BNC2: variants seen among roughly 807,000 people sequenced by gnomAD.
The protein encoded by BNC2 is zinc finger protein basonuclin-2.
In BNC2, 20 loss-of-function variants were observed where a neutral mutation model predicts 76.3. That is an observed-to-expected ratio of 0.26 (90% CI 0.18 to 0.38). BNC2 has a LOEUF of 0.38. BNC2 is among the 10% of genes least tolerant of loss of function. The pLI, the probability that BNC2 is intolerant of heterozygous loss-of-function variation, is 1.00. For synonymous variants in BNC2, 582 were observed against 514.8 expected, an observed-to-expected ratio of 1.13 and a Z score of -1.77; for missense variants, 1,382 against 1,399.8, an observed-to-expected ratio of 0.99 and a Z score of 0.20.
At chr9:16,788,195 C>T (rs1261223795) in intron 1 of BNC2, among the ~76,000 whole-genome samples, 1 of 152,168 alleles carries the variant, frequency 6.6e-6, no homozygotes, top group Non-Finnish European at 1.5e-5. Context: ...GATATTTTTA[C>T]GTTACCAGTG....
At chr9:16,623,816 G>A (rs1820924700) in intron 3 of BNC2, among the ~76,000 whole-genome samples, 1 of 152,158 alleles carries the variant, frequency 6.6e-6, no homozygotes, top group Non-Finnish European at 1.5e-5. Context: ...AGCAGGAAAG[G>A]TAAAAAGGAT....
At chr9:16,457,453 G>A (rs1410421648) in intron 5 of BNC2, among the ~76,000 whole-genome samples, 1 of 152,108 alleles carries the variant, frequency 6.6e-6, no homozygotes, top group Non-Finnish European at 1.5e-5. Flanking sequence ...ATCAGCACAG[G>A]GCAACATGCA....
intron 5 of BNC2, among the ~76,000 whole-genome samples, chr9:16,453,676 G>A (rs1225483245): frequency 1.3e-5 from 2 of 152,130 alleles, no homozygotes; most frequent in Non-Finnish European, 2.9e-5. Context: ...GCCGGGCCCA[G>A]TGTCTCATGC....
At chr9:16,511,420 CTTTTTTTTT>C (rs758039548) in intron 5 of BNC2, among the ~76,000 whole-genome samples, 10 of 69,498 alleles carry the variant, frequency 1.4e-4, no homozygotes, top group African/African-American at 4.2e-4. Flanking sequence ...AATAAATTTA[CTTTTTTTTT>C]TTTTTTTTTT....
At chr9:16,752,722 A>T (rs181998804) in intron 1 of BNC2, among the ~76,000 whole-genome samples, 1 of 152,220 alleles carries the variant, frequency 6.6e-6, no homozygotes, top group Non-Finnish European at 1.5e-5. Context: ...AAATCGCAAC[A>T]ATCTTTTTTA....
chr9:16,703,398 C>T (rs1031032160), intron 3 of BNC2, among the ~76,000 whole-genome samples: 4 of 151,832 alleles, frequency 2.6e-5, no homozygotes, highest in Non-Finnish European at 5.9e-5. Context: ...TTAAAATGTA[C>T]AACTAAAAAA....
intron 3 of BNC2, among the ~76,000 whole-genome samples, chr9:16,585,078 C>A (rs887193337): frequency 4.6e-5 from 7 of 151,998 alleles, no homozygotes; most frequent in African/African-American, 1.7e-4. Flanking sequence ...ATATTTAAAT[C>A]ATTAATTTGA....
rs188437798 is a variant in BNC2, at chr9:16,610,522, A to C, written c.331-27437T>G. On this transcript the variant is annotated intron_variant, in intron 3 of 6. Transcript: ENST00000380672. ...CAGGGTTATAAGGGTCTATGAATTGAAACAGAGATAGGTAGTCTCTGATCA... is the reference window on the plus strand; with the variant it reads ...CAGGGTTATAAGGGTCTATGAATTGCAACAGAGATAGGTAGTCTCTGATCA... Among the ~76,000 whole-genome samples the C allele has an allele frequency of 3.3e-4, 50 of 152,314 alleles. No individual in the cohort carries two copies. The East Asian group carries it at 7.9e-3, about 24-fold the overall frequency.
intron 5 of BNC2, among the ~76,000 whole-genome samples, chr9:16,442,539 T>A (rs761175687): frequency 1.3e-5 from 2 of 152,204 alleles, no homozygotes; most frequent in African/African-American, 4.8e-5. Flanking sequence ...ATAAGGTTGA[T>A]TGGTTTCCCT....
intron 5 of BNC2, among the ~76,000 whole-genome samples, chr9:16,481,261 G>A (rs1367786074): frequency 2.0e-5 from 3 of 152,088 alleles, no homozygotes; most frequent in Non-Finnish European, 4.4e-5. Context: ...GCAGGATGTG[G>A]GTGGGGCCAC....
At chr9:16,678,715 G>A (rs558003232) in intron 3 of BNC2, among the ~76,000 whole-genome samples, 2 of 142,186 alleles carry the variant, frequency 1.4e-5, no homozygotes, top group Non-Finnish European at 3.0e-5. Flanking sequence ...AGCTTCACTT[G>A]TGTGTAAAGG....
chr9:16,489,894 C>T lies in BNC2; in HGVS notation c.670-52370G>A, dbSNP rs10962448. Among the ~76,000 whole-genome samples the T allele has an allele frequency of 0.018, 2,722 of 152,260 alleles. 214 individuals carry two copies. The East Asian group carries it at 0.26, about 15-fold the overall frequency. On this transcript the variant is annotated intron_variant, in intron 5 of 6. Coordinates refer to ENST00000380672, the MANE Select transcript of BNC2 (RefSeq NM_017637.6). ...CTACCGGCAGTAGAACAAGAGCCCT[C>T]GTGTATCTGCCACTGATTAGTTACA...
intron 5 of BNC2, among the ~76,000 whole-genome samples, chr9:16,530,192 C>A (rs1817934357): frequency 6.6e-6 from 1 of 151,830 alleles, no homozygotes; most frequent in East Asian, 1.9e-4. Context: ...AAAAGCCTTT[C>A]TAAGGTTGAC....
intron 1 of BNC2, among the ~76,000 whole-genome samples, chr9:16,771,032 G>T (rs1383049665): frequency 6.6e-6 from 1 of 152,118 alleles, no homozygotes; most frequent in Non-Finnish European, 1.5e-5. Context: ...AGCTGAGCAT[G>T]GTGCCGCATG....
At chr9:16,683,994 T>A (rs1050094417) in intron 3 of BNC2, among the ~76,000 whole-genome samples, 1 of 152,190 alleles carries the variant, frequency 6.6e-6, no homozygotes, top group African/African-American at 2.4e-5. Context: ...AACCCCACAA[T>A]CTGGTTCATC....
intron 5 of BNC2, among the ~76,000 whole-genome samples, chr9:16,451,086 C>T (rs186339684): frequency 2.0e-5 from 3 of 152,214 alleles, no homozygotes; most frequent in Admixed American, 2.0e-4. Flanking sequence ...GGCTGGATTT[C>T]GTTGCCTTTT....
In BNC2 at chr9:16,415,144, G is replaced by A. The variant is rs879916604; in HGVS notation, c.*3845C>T. ...TTTAAAAGGCATCAGGCTGAACAGGGCAGCTGGACTAAGATCTGGAATGAG... is the reference window on the plus strand; with the variant it reads ...TTTAAAAGGCATCAGGCTGAACAGGACAGCTGGACTAAGATCTGGAATGAG... On this transcript the variant is annotated 3_prime_UTR_variant, in exon 7 of 7. Transcript: ENST00000380672. The A allele has an allele frequency of 3.9e-5, 6 of 152,178 alleles. No individual in the cohort carries two copies. The highest frequency in any genetic ancestry group is 7.2e-5 in the African/African-American group (3 of 41,436). The allele number at this position is 152,178 out of a possible 1,614,324, so 9.4% of individuals were successfully genotyped here.
chr9:16,410,077 C>T lies in BNC2; in HGVS notation c.*8912G>A, dbSNP rs2118875983. On this transcript the variant is annotated 3_prime_UTR_variant, in exon 7 of 7. Transcript: ENST00000380672. ...AATAATTTTGTTACTGGAGACACAC[C>T]AATGGGTCTGGAGTAAGAAAGGTGT... 6.6e-6 allele frequency: 1 copy of T among 152,258 alleles called. No homozygotes were observed. The highest frequency in any genetic ancestry group is 2.1e-4 in the South Asian group (1 of 4,814). The allele number at this position is 152,258 out of a possible 1,614,324, so 9.4% of individuals were successfully genotyped here. A position where few individuals can be genotyped will look rare whatever the true frequency, so the allele number is the denominator to read the frequency against.
intron 5 of BNC2, among the ~76,000 whole-genome samples, chr9:16,474,821 T>C (rs1428597458): frequency 6.6e-6 from 1 of 152,020 alleles, no homozygotes; most frequent in African/African-American, 2.4e-5. Context: ...CCATAGTAAT[T>C]CTAATCTCCC....
Sources: gnomAD v4.1 joint callset for allele counts (sites outside exome capture counted in the v4.1 genomes callset) on GRCh38, gnomAD v4.1.1 for gene constraint, MANE v1.5 for transcripts, NCBI Gene and HGNC (gene_info 2026-07-23, HGNC 2026-07-21) for gene names.